Variants in WWOX observed in about 807,000 individuals in gnomAD.
WWOX encodes WW domain-containing oxidoreductase.
WWOX carries 69 observed loss-of-function variants against 46.2 expected under a neutral mutation model. The observed-to-expected ratio is 1.49, with a 90% CI of 1.23 to 1.82. WWOX has a LOEUF of 1.82. Ranked by LOEUF, WWOX falls within the 40% of genes most tolerant of loss-of-function variation. The probability of loss-of-function intolerance (pLI) is 0.00; values close to 1 mark genes in which losing one functional copy is unlikely to be tolerated. For missense variants in WWOX, 919 were observed against 542.6 expected, an observed-to-expected ratio of 1.69 and a Z score of -6.89; for synonymous variants, 359 against 202.6, an observed-to-expected ratio of 1.77 and a Z score of -6.56.
chr16:78,445,291 G>T (rs965445279), intron 8 of WWOX, among the ~76,000 whole-genome samples: 1 of 152,178 alleles, frequency 6.6e-6, no homozygotes, highest in Non-Finnish European at 1.5e-5. Flanking sequence ...ATATGTTCTA[G>T]AAGAAGGGCG....
intron 8 of WWOX, among the ~76,000 whole-genome samples, chr16:78,577,396 C>G (rs904839438): frequency 6.6e-6 from 1 of 152,156 alleles, no homozygotes; most frequent in Non-Finnish European, 1.5e-5. Flanking sequence ...CCCCTAAATT[C>G]CAGCACTGCG....
chr16:78,495,438 G>C (rs185036975), intron 8 of WWOX, among the ~76,000 whole-genome samples: 8 of 146,122 alleles, frequency 5.5e-5, no homozygotes, highest in African/African-American at 2.0e-4. Context: ...ACTGCACCTG[G>C]CCAGTAGTAG....
chr16:79,133,290 C>T (rs1018770017), intron 8 of WWOX, among the ~76,000 whole-genome samples: 14 of 152,294 alleles, frequency 9.2e-5, no homozygotes, highest in East Asian at 1.9e-4. Context: ...CCTTTACTTT[C>T]GTCAATGAGA....
At chr16:78,979,692 G>A (rs1009926047) in intron 8 of WWOX, among the ~76,000 whole-genome samples, 7 of 152,132 alleles carry the variant, frequency 4.6e-5, no homozygotes, top group African/African-American at 1.4e-4. Flanking sequence ...AGCCTGTGTA[G>A]CCGTCCATGC....
intron 8 of WWOX, among the ~76,000 whole-genome samples, chr16:78,491,875 G>A (rs1320240524): frequency 6.6e-6 from 1 of 152,182 alleles, no homozygotes; most frequent in Non-Finnish European, 1.5e-5. Context: ...ACACATTGCC[G>A]TTCCCTTGCC....
At chr16:78,207,781 G>C (rs1289377004) in intron 5 of WWOX, among the ~76,000 whole-genome samples, 1 of 149,666 alleles carries the variant, frequency 6.7e-6, no homozygotes, top group Admixed American at 6.7e-5. Context: ...AAAAAAAAAG[G>C]GTCTGTTATC....
chr16:78,278,840 G>A lies in WWOX; in HGVS notation c.517-108020G>A, dbSNP rs76484313. Reference sequence around the variant, plus strand: ...TTATCAGTTTGCAGTTATGCTTTACGACTCTTCAGGTGACTAAAGAAAAAG... The same window carrying A: ...TTATCAGTTTGCAGTTATGCTTTACAACTCTTCAGGTGACTAAAGAAAAAG... On this transcript the variant is annotated intron_variant, in intron 5 of 8. Transcript: ENST00000566780. 0.074 allele frequency: 45,370 copies of A among 612,258 alleles called. 2,000 individuals carry two copies. Among genetic ancestry groups the A allele is most frequent in the South Asian group, 0.12 (5,866 of 48,732 alleles). The allele number at this position is 612,258 out of a possible 1,614,324, so 37.9% of individuals were successfully genotyped here. A position where few individuals can be genotyped will look rare whatever the true frequency, so the allele number is the denominator to read the frequency against.
At chr16:78,279,727 C>T (rs867217339) in intron 5 of WWOX, among the ~76,000 whole-genome samples, 12 of 152,290 alleles carry the variant, frequency 7.9e-5, no homozygotes, top group Middle Eastern at 3.4e-3. Context: ...TAGTAAGGAA[C>T]AACAGTTGTC....
intron 8 of WWOX, among the ~76,000 whole-genome samples, chr16:78,524,202 A>G (rs1037845455): frequency 6.6e-5 from 10 of 152,104 alleles, no homozygotes; most frequent in African/African-American, 2.2e-4. Context: ...TTTTATTGCA[A>G]AGGTACTGCT....
chr16:78,834,512 C>G (rs899155922), intron 8 of WWOX, among the ~76,000 whole-genome samples: 2 of 152,068 alleles, frequency 1.3e-5, no homozygotes, highest in African/African-American at 2.4e-5. Context: ...AAAGTGTATC[C>G]TCAGGAGGTC....
Position 78,923,948 on chromosome 16 carries a change from C to T in WWOX, c.1057-287660C>T, listed in dbSNP as rs377051284. On this transcript the variant is annotated intron_variant, in intron 8 of 8. Coordinates refer to ENST00000566780, the MANE Select transcript of WWOX (RefSeq NM_016373.4). ...CCGAGCAGCTGGGAGTACAGGTGCCCGCCACCACGCCTGGCTAATTTTTTG... is the reference window on the plus strand; with the variant it reads ...CCGAGCAGCTGGGAGTACAGGTGCCTGCCACCACGCCTGGCTAATTTTTTG... Among the ~76,000 whole-genome samples, 678 of 151,742 alleles carry T rather than the reference C, an allele frequency of 4.5e-3. 1 individual carries two copies. The highest frequency in any genetic ancestry group is 0.011 in the African/African-American group (458 of 41,366).
intron 8 of WWOX, among the ~76,000 whole-genome samples, chr16:78,714,524 G>A (rs899901245): frequency 6.6e-6 from 1 of 151,886 alleles, no homozygotes; most frequent in Non-Finnish European, 1.5e-5. Context: ...TTTTGGTGGG[G>A]ACACAGACAC....
At chr16:78,221,747 C>G (rs946370498) in intron 5 of WWOX, among the ~76,000 whole-genome samples, 2 of 152,116 alleles carry the variant, frequency 1.3e-5, no homozygotes, top group African/African-American at 4.8e-5. Context: ...GTGATTATTA[C>G]CATCCATTCA....
chr16:78,271,627 G>T (rs1229402508), intron 5 of WWOX, among the ~76,000 whole-genome samples: 9 of 152,228 alleles, frequency 5.9e-5, no homozygotes, highest in African/African-American at 2.2e-4. Context: ...ACCCCAGTGA[G>T]GTGGAGCCTC....
chr16:79,022,761 A>C (rs1314694430), intron 8 of WWOX, among the ~76,000 whole-genome samples: 1 of 152,192 alleles, frequency 6.6e-6, no homozygotes, highest in Non-Finnish European at 1.5e-5. Flanking sequence ...CCCGGAACTG[A>C]GGTGGCACAT....
chr16:78,950,189 G>C (rs898613646), intron 8 of WWOX, among the ~76,000 whole-genome samples: 2 of 152,158 alleles, frequency 1.3e-5, no homozygotes, highest in South Asian at 4.1e-4. Flanking sequence ...TAGATTCCAT[G>C]TCTAATCCAT....
chr16:78,891,790 T>C (rs945975113), intron 8 of WWOX: 15 of 152,160 alleles, frequency 9.9e-5, no homozygotes, highest in African/African-American at 3.6e-4. Context: ...CTAAGAGCAC[T>C]GAAATGTCCC....
chr16:78,517,426 A>C (rs2043258733), intron 8 of WWOX, among the ~76,000 whole-genome samples: 1 of 151,504 alleles, frequency 6.6e-6, no homozygotes, highest in African/African-American at 2.4e-5. Flanking sequence ...AATTATTTCC[A>C]GCTATGTTTA....
intron 8 of WWOX, among the ~76,000 whole-genome samples, chr16:79,018,633 C>G (rs1226444676): frequency 6.6e-6 from 1 of 152,058 alleles, no homozygotes; most frequent in East Asian, 1.9e-4. Flanking sequence ...ATTTCAAAGC[C>G]AAAGAGATTG....
Sources: gnomAD v4.1 joint callset for allele counts (sites outside exome capture counted in the v4.1 genomes callset) on GRCh38, gnomAD v4.1.1 for gene constraint, MANE v1.5 for transcripts, NCBI Gene and HGNC (gene_info 2026-07-23, HGNC 2026-07-21) for gene names.